The following SYTL5 variants were observed in gnomAD, a reference collection of about 807,000 sequenced individuals.
SYTL5 encodes the protein synaptotagmin-like protein 5.
A neutral mutation model predicts 55.9 loss-of-function variants in SYTL5; 34 were observed. The observed-to-expected ratio is 0.61, with a 90% CI of 0.46 to 0.81. SYTL5 has a LOEUF of 0.81. Among genes scored for constraint, SYTL5 ranks in the 30% least tolerant of loss-of-function variants. The pLI, the probability that SYTL5 is intolerant of heterozygous loss-of-function variation, is 0.00. For synonymous variants in SYTL5, 221 were observed against 188.7 expected (o/e 1.17, Z -1.40); for missense variants, 637 against 546.7 (o/e 1.17, Z -1.65).
In SYTL5 at chrX:38,092,772, C is replaced by T. The variant is rs554132174; in HGVS notation, c.832-1523C>T. On this transcript the variant is annotated intron_variant, in intron 7 of 16. Coordinates refer to ENST00000297875, the MANE Select transcript of SYTL5 (RefSeq NM_138780.3). ...GCATCCCTCAACCCAATCAAGTATACACCTAATATTAACCATCACAGAAAA... is the reference window on the plus strand; with the variant it reads ...GCATCCCTCAACCCAATCAAGTATATACCTAATATTAACCATCACAGAAAA... Among the ~76,000 whole-genome samples, 23 of 111,478 alleles carry T rather than the reference C, an allele frequency of 2.1e-4. 1 individual carries two copies. In the South Asian group the frequency reaches 8.8e-3, roughly 43 times the overall value.
chrX:38,120,239 G>C (rs1215956035), intron 13 of SYTL5, 119 bp from the exon 14 acceptor site: 1 of 515,530 alleles, frequency 1.9e-6, no homozygotes. Context: ...GAACAGAGTT[G>C]AAATGAGAAT....
intron 2 of SYTL5, among the ~76,000 whole-genome samples, chrX:38,034,558 GTAAAAATT>G (rs1935048938): frequency 8.9e-6 from 1 of 112,241 alleles, no homozygotes; most frequent in South Asian, 3.7e-4. Flanking sequence ...GACCTGGAGA[GTAAAAATT>G]TCCCATCATA....
chrX:38,078,538 G>A (rs1350603036), intron 6 of SYTL5, among the ~76,000 whole-genome samples: 5 of 110,905 alleles, frequency 4.5e-5, no homozygotes, highest in African/African-American at 1.6e-4. Flanking sequence ...GGGATTACAG[G>A]CGTGAGCCAC....
chrX:37,915,934 T>C, the SYTL5 span, among the ~76,000 whole-genome samples: 1 of 111,815 alleles, frequency 8.9e-6, no homozygotes, highest in Non-Finnish European at 1.9e-5. Flanking sequence ...CAGTTACCTC[T>C]AACCTTTCAT....
rs183262153 is a variant in SYTL5 at position 38,088,925 on chromosome X, A to G, written c.690-521A>G. On this transcript the variant is annotated intron_variant, in intron 6 of 16. Transcript: ENST00000297875. Reference sequence around the variant, plus strand: ...ACAAGACATTTTGCAGTCAAATACTAAATACAGTAGTCTGGCAAAGACCGT... The same window carrying G: ...ACAAGACATTTTGCAGTCAAATACTGAATACAGTAGTCTGGCAAAGACCGT... Among the ~76,000 whole-genome samples, 3 of 112,490 alleles carry G rather than the reference A, an allele frequency of 2.7e-5. No homozygotes were observed. The East Asian group carries it at 8.4e-4, about 32-fold the overall frequency.
At chrX:38,037,017 G>T (rs1413514166) in intron 2 of SYTL5, among the ~76,000 whole-genome samples, 1 of 111,507 alleles carries the variant, frequency 9.0e-6, no homozygotes, top group Non-Finnish European at 1.9e-5. Context: ...AGATCCCCTG[G>T]AGTCCCTCTC....
chrX:37,953,271 G>A, the SYTL5 span, among the ~76,000 whole-genome samples: 5 of 111,738 alleles, frequency 4.5e-5, no homozygotes, highest in Non-Finnish European at 7.5e-5. Flanking sequence ...GAAAGCATGA[G>A]TCTGGTTGAA....
At chrX:38,126,376 G>A (rs888637982) in intron 16 of SYTL5, among the ~76,000 whole-genome samples, 2 of 112,073 alleles carry the variant, frequency 1.8e-5, no homozygotes, top group African/African-American at 3.2e-5. Context: ...GGGCCACCCC[G>A]ATTTGCCTCA....
chrX:38,024,824 T>C (rs1041174769), intron 1 of SYTL5, among the ~76,000 whole-genome samples: 5 of 111,710 alleles, frequency 4.5e-5, no homozygotes, highest in Admixed American at 2.9e-4. Context: ...TCTACTGTTA[T>C]TTGAAGAATC....
the SYTL5 span, among the ~76,000 whole-genome samples, chrX:37,917,194 G>T: frequency 3.9e-4 from 43 of 111,417 alleles, no homozygotes; most frequent in African/African-American, 1.4e-3. Flanking sequence ...GTGACTGTCA[G>T]ATTTCTCCAC....
At chrX:37,905,665 A>G in the SYTL5 span, among the ~76,000 whole-genome samples, 1 of 112,137 alleles carries the variant, frequency 8.9e-6, no homozygotes, top group African/African-American at 3.2e-5. Context: ...CCCGTTTGGC[A>G]CAGCCTGCAG....
At chrX:37,955,122 C>T in the SYTL5 span, among the ~76,000 whole-genome samples, 1 of 110,059 alleles carries the variant, frequency 9.1e-6, no homozygotes, top group African/African-American at 3.3e-5. Context: ...GTTATGGTCC[C>T]TTCTTGTATA....
the SYTL5 span, among the ~76,000 whole-genome samples, chrX:37,949,866 TATTA>T: frequency 8.9e-6 from 1 of 111,947 alleles, no homozygotes; most frequent in Non-Finnish European, 1.9e-5. Flanking sequence ...CATGACAAAT[TATTA>T]ATTCCACTCT....
chrX:37,972,642 C>T, the SYTL5 span, among the ~76,000 whole-genome samples: 14 of 111,548 alleles, frequency 1.3e-4, no homozygotes, highest in Non-Finnish European at 2.3e-4. Flanking sequence ...GACCATGGCC[C>T]GTGACACAAC....
intron 5 of SYTL5, among the ~76,000 whole-genome samples, chrX:38,075,885 A>G (rs1936378422): frequency 8.9e-6 from 1 of 112,173 alleles, no homozygotes; most frequent in African/African-American, 3.2e-5. Context: ...GGAAACACCC[A>G]TGTTTTGGGC....
chrX:37,951,605 G>A, the SYTL5 span, among the ~76,000 whole-genome samples: 4 of 110,872 alleles, frequency 3.6e-5, no homozygotes, highest in Admixed American at 9.7e-5. Flanking sequence ...GGAGCAAGGA[G>A]GAGAAAACCA....
the SYTL5 span, among the ~76,000 whole-genome samples, chrX:37,947,440 A>G: frequency 9.0e-6 from 1 of 111,031 alleles, no homozygotes; most frequent in Non-Finnish European, 1.9e-5. Flanking sequence ...TGCTCTCTCT[A>G]TCTCTCCTGC....
chrX:37,928,613 T>C, the SYTL5 span, among the ~76,000 whole-genome samples: 7 of 111,656 alleles, frequency 6.3e-5, no homozygotes, highest in Non-Finnish European at 9.4e-5. Flanking sequence ...TCTCTCTGGA[T>C]CTACCCAAGA....
chrX:37,895,769 A>G, the SYTL5 span, among the ~76,000 whole-genome samples: 1 of 110,670 alleles, frequency 9.0e-6, no homozygotes, highest in Non-Finnish European at 1.9e-5. Context: ...TGCAGAATAG[A>G]ACACCTGATA....
Sources: allele counts gnomAD v4.1 joint callset (sites outside exome capture counted in the v4.1 genomes callset), GRCh38; gene constraint gnomAD v4.1.1; transcripts MANE v1.5; gene names NCBI Gene and HGNC (gene_info 2026-07-23, HGNC 2026-07-21).